Variants in ZNF407 observed in about 807,000 individuals in gnomAD.
The protein encoded by ZNF407 is zinc finger protein 407.
In ZNF407, 17 loss-of-function variants were observed where a neutral mutation model predicts 131.2. That is an observed-to-expected ratio of 0.13 (90% CI 0.09 to 0.19). ZNF407 has a LOEUF of 0.19. Ranked by LOEUF, ZNF407 falls within the 10% of genes least tolerant of loss-of-function variation. The pLI, the probability that ZNF407 is intolerant of heterozygous loss-of-function variation, is 1.00. For missense variants in ZNF407, 2,681 were observed against 2,830.6 expected (o/e 0.95, Z 1.20); for synonymous variants, 1,156 against 1,062.0 (o/e 1.09, Z -1.72).
At chr18:74,824,972 G>A (rs1970389796) in intron 4 of ZNF407, among the ~76,000 whole-genome samples, 1 of 152,146 alleles carries the variant, frequency 6.6e-6, no homozygotes, top group African/African-American at 2.4e-5. Flanking sequence ...AGAAAATACT[G>A]GCAAACCAAA....
chr18:74,878,927 A>G (rs1367071787), intron 5 of ZNF407, among the ~76,000 whole-genome samples: 3 of 151,882 alleles, frequency 2.0e-5, no homozygotes, highest in African/African-American at 7.2e-5. Context: ...TTGAGTTTAG[A>G]ATGAAAAACA....
chr18:74,986,697 A>G (rs943337183), intron 8 of ZNF407, among the ~76,000 whole-genome samples: 1 of 152,220 alleles, frequency 6.6e-6, no homozygotes, highest in Admixed American at 6.5e-5. Context: ...AAATGTAGAT[A>G]GCTGGAAGTA....
chr18:74,866,713 A>G (rs1442811841), intron 4 of ZNF407, among the ~76,000 whole-genome samples: 1 of 150,674 alleles, frequency 6.6e-6, no homozygotes, highest in Non-Finnish European at 1.5e-5. Flanking sequence ...AATTATTTGT[A>G]TGGAATTTCC....
chr18:74,967,183 G>A (rs1052708362), intron 8 of ZNF407, among the ~76,000 whole-genome samples: 15 of 152,182 alleles, frequency 9.9e-5, no homozygotes, highest in African/African-American at 2.7e-4. Context: ...GAGCCTGGGA[G>A]GTTGAGGCTG....
intron 8 of ZNF407, among the ~76,000 whole-genome samples, chr18:75,051,416 G>A (rs191006185): frequency 5.1e-4 from 78 of 152,242 alleles, no homozygotes; most frequent in Non-Finnish European, 7.2e-4. Flanking sequence ...ATCACAGTGG[G>A]TATTTATTCT....
At chr18:74,993,542 T>C (rs1418969228) in intron 8 of ZNF407, among the ~76,000 whole-genome samples, 1 of 152,192 alleles carries the variant, frequency 6.6e-6, no homozygotes, top group Non-Finnish European at 1.5e-5. Flanking sequence ...ATCTTATTTG[T>C]GGTGGTGGTT....
chr18:74,668,341 T>G (rs1181639516), intron 3 of ZNF407, among the ~76,000 whole-genome samples: 1 of 140,360 alleles, frequency 7.1e-6, no homozygotes, highest in Non-Finnish European at 1.6e-5. Flanking sequence ...ATTATGTAAG[T>G]ACAAATATTC....
intron 3 of ZNF407, among the ~76,000 whole-genome samples, chr18:74,713,245 C>T (rs924925406): frequency 6.6e-6 from 1 of 151,872 alleles, no homozygotes; most frequent in Non-Finnish European, 1.5e-5. Flanking sequence ...AAGACTCCTC[C>T]AATCTTTAAA....
chr18:74,946,253 A>G (rs1335082456), intron 8 of ZNF407, among the ~76,000 whole-genome samples: 1 of 152,236 alleles, frequency 6.6e-6, no homozygotes. Context: ...TGTGACTAAC[A>G]GTATGATTGA....
intron 6 of ZNF407, among the ~76,000 whole-genome samples, chr18:74,889,264 C>G (rs1383717735): frequency 8.6e-6 from 1 of 115,784 alleles, no homozygotes; most frequent in Admixed American, 9.8e-5. Flanking sequence ...CCATTAAGCA[C>G]TGCGTAGCTG....
At chr18:74,626,441 T>G (rs1341623964) in intron 1 of ZNF407, among the ~76,000 whole-genome samples, 1 of 152,192 alleles carries the variant, frequency 6.6e-6, no homozygotes, top group Non-Finnish European at 1.5e-5. Flanking sequence ...TAGATCTTAG[T>G]TTGTATTGTA....
chr18:74,938,077 A>G (rs558632938), intron 8 of ZNF407, among the ~76,000 whole-genome samples: 255 of 152,196 alleles, frequency 1.7e-3, no homozygotes, highest in African/African-American at 5.9e-3. Flanking sequence ...TTTTTTACCA[A>G]TCCCAGCGCA....
At chr18:74,716,965 T>A (rs1426500770) in intron 3 of ZNF407, among the ~76,000 whole-genome samples, 3 of 152,228 alleles carry the variant, frequency 2.0e-5, no homozygotes, top group African/African-American at 4.8e-5. Flanking sequence ...ATCGCAAATA[T>A]GTGTACCATG....
Position 75,063,177 on chromosome 18 carries a change from G to A in ZNF407, c.5456G>A (p.Arg1819His). 1 of 1,601,966 alleles carries A rather than the reference G, an allele frequency of 6.2e-7. No individual in the cohort carries two copies. The highest frequency in any genetic ancestry group is 8.5e-7 in the Non-Finnish European group (1 of 1,174,148). The stretch of plus-strand genomic sequence containing the variant: ...ATTGTTTCCAAGTCGTACGAGTGCC[G>A]TCTAAAGGGACAAGGAGCCACCTTC... ...AGIVSKSYECRLKGQGATFVE... is the reference protein window; with the variant it reads ...AGIVSKSYECHLKGQGATFVE... Residue 1819 changes from arginine (R) to histidine (H), a missense_variant, in exon 9 of 9, where the codon CGT becomes CAT. Physicochemically the swap from Arg to His is conservative, Grantham distance 29 (BLOSUM62 0). This residue lies in a region of ZNF407 where 39 missense variants were observed against 91.8 expected (regional missense o/e 0.42). Coordinates refer to ENST00000299687, the MANE Select transcript of ZNF407 (RefSeq NM_017757.3). The surrounding 1 kb of genome is among the most constrained non-coding windows in gnomAD (Gnocchi z 6.6).
intron 3 of ZNF407, among the ~76,000 whole-genome samples, chr18:74,729,080 C>G (rs1476604489): frequency 2.0e-5 from 3 of 152,108 alleles, no homozygotes; most frequent in Non-Finnish European, 2.9e-5. Context: ...AGAATCTACT[C>G]CAAATTACTG....
At chr18:74,787,410 A>G (rs1969739830) in intron 4 of ZNF407, among the ~76,000 whole-genome samples, 1 of 152,198 alleles carries the variant, frequency 6.6e-6, no homozygotes, top group African/African-American at 2.4e-5. Context: ...ATTACTAACA[A>G]TAATATTTTC....
chr18:75,024,110 T>G (rs1263646985), intron 8 of ZNF407, among the ~76,000 whole-genome samples: 2 of 152,228 alleles, frequency 1.3e-5, no homozygotes, highest in African/African-American at 4.8e-5. Flanking sequence ...ATTTTGTTTG[T>G]AGACTTTCAA....
At chr18:74,712,022 T>C (rs1197391734) in intron 3 of ZNF407, among the ~76,000 whole-genome samples, 1 of 152,224 alleles carries the variant, frequency 6.6e-6, no homozygotes, top group Admixed American at 6.5e-5. Flanking sequence ...TATTAGTTTA[T>C]TTAAAAGTAA....
At chr18:74,925,150 A>G (rs961394791) in intron 8 of ZNF407, among the ~76,000 whole-genome samples, 1 of 152,152 alleles carries the variant, frequency 6.6e-6, no homozygotes, top group Non-Finnish European at 1.5e-5. Context: ...CTTTTGTATC[A>G]CATTTAAATT....
Sources: gnomAD v4.1 joint callset for allele counts (sites outside exome capture counted in the v4.1 genomes callset) on GRCh38, gnomAD v4.1.1 for gene constraint, gnomAD v4.1.1 regional missense constraint, Gnocchi (gnomAD v3.1) non-coding constraint, MANE v1.5 for transcripts, NCBI Gene and HGNC (gene_info 2026-07-23, HGNC 2026-07-21) for gene names.